LIN52: variants seen among roughly 807,000 people sequenced by gnomAD.
The protein encoded by LIN52 is lin-52 DREAM MuvB core complex component.
In LIN52, 4 loss-of-function variants were observed where a neutral mutation model predicts 18.5. The observed-to-expected ratio is 0.22, with a 90% CI of 0.11 to 0.49. The LOEUF (loss-of-function observed/expected upper bound fraction) is 0.49. Among genes scored for constraint, LIN52 ranks in the 20% least tolerant of loss-of-function variants. The pLI is 0.97. For missense variants in LIN52, 102 were observed against 139.5 expected (o/e 0.73, Z 1.35); for synonymous variants, 34 against 45.5 (o/e 0.75, Z 1.02).
intron 5 of LIN52, among the ~76,000 whole-genome samples, chr14:74,124,845 C>G (rs1484896612): frequency 7.0e-6 from 1 of 142,552 alleles, no homozygotes; most frequent in African/African-American, 2.6e-5. Context: ...CTGAGAGGCT[C>G]TTGATAAAGA....
At chr14:74,176,856 C>T (rs2061296515) in intron 5 of LIN52, among the ~76,000 whole-genome samples, 1 of 152,222 alleles carries the variant, frequency 6.6e-6, no homozygotes, top group Non-Finnish European at 1.5e-5. Flanking sequence ...CTCACTCTCC[C>T]AACCTGCCCT....
Position 74,084,994 on chromosome 14 carries a change from G to T in LIN52, c.19+1G>T. The T allele has an allele frequency of 1.4e-6, 2 of 1,409,150 alleles. No individual in the cohort carries two copies. Among genetic ancestry groups the T allele is most frequent in the Non-Finnish European group, 9.3e-7 (1 of 1,075,078 alleles). 87.3% of individuals were successfully genotyped at this position (1,409,150 alleles called of 1,614,324 possible). A position where few individuals can be genotyped will look rare whatever the true frequency, so the allele number is the denominator to read the frequency against. ...TGGAAGATGGCGTCTCCCACAGACGGTAAGAGCCGGCTTAGAGATCTTTGC... is the reference window on the plus strand; with the variant it reads ...TGGAAGATGGCGTCTCCCACAGACGTTAAGAGCCGGCTTAGAGATCTTTGC... On this transcript the variant is annotated splice_donor_variant, in intron 1 of 5. Transcript: ENST00000555028. LOFTEE classifies it high-confidence loss of function.
At chr14:74,194,676 C>T (rs558925331) in intron 5 of LIN52, among the ~76,000 whole-genome samples, 174 of 152,218 alleles carry the variant, frequency 1.1e-3, no homozygotes, top group African/African-American at 4.0e-3. Flanking sequence ...GATCTATGTA[C>T]GACATAATAG....
At chr14:74,111,216 T>C (rs1041029085) in intron 5 of LIN52, among the ~76,000 whole-genome samples, 2 of 152,242 alleles carry the variant, frequency 1.3e-5, no homozygotes, top group Non-Finnish European at 1.5e-5. Flanking sequence ...CCCATCTAGA[T>C]AAAATTCTAA....
chr14:74,144,589 T>C (rs1385174982), intron 5 of LIN52, among the ~76,000 whole-genome samples: 1 of 139,546 alleles, frequency 7.2e-6, no homozygotes, highest in African/African-American at 2.8e-5. Flanking sequence ...AATCTACCTA[T>C]AAAATGAGCA....
At chr14:74,125,460 G>A (rs574854428) in intron 5 of LIN52, among the ~76,000 whole-genome samples, 1 of 152,066 alleles carries the variant, frequency 6.6e-6, no homozygotes, top group Non-Finnish European at 1.5e-5. Context: ...TTTTGATGGG[G>A]TTGTTTGTTT....
intron 5 of LIN52, among the ~76,000 whole-genome samples, chr14:74,124,936 A>G (rs1273959136): frequency 2.6e-5 from 4 of 152,148 alleles, no homozygotes; most frequent in African/African-American, 2.4e-5. Context: ...ATTAAAATTA[A>G]AAACTTTTGT....
At chr14:74,103,735 T>C (rs1473414202) in intron 5 of LIN52, among the ~76,000 whole-genome samples, 5 of 17,500 alleles carry the variant, frequency 2.9e-4, no homozygotes, top group Non-Finnish European at 4.3e-4. Flanking sequence ...CCTGGCCAGT[T>C]TTTTTTTTTT....
At chr14:74,197,291 G>A (rs150842290) in intron 5 of LIN52, among the ~76,000 whole-genome samples, 161 of 152,228 alleles carry the variant, frequency 1.1e-3, no homozygotes, top group African/African-American at 3.8e-3. Flanking sequence ...GTAGCAGGTC[G>A]GTAAGAATCT....
chr14:74,145,433 A>T (rs1490382318), intron 5 of LIN52, among the ~76,000 whole-genome samples: 1 of 152,228 alleles, frequency 6.6e-6, no homozygotes, highest in East Asian at 1.9e-4. Flanking sequence ...ACAGTATGCC[A>T]GTAAGCATCC....
chr14:74,142,566 T>G (rs1281494613), intron 5 of LIN52, among the ~76,000 whole-genome samples: 1 of 151,842 alleles, frequency 6.6e-6, no homozygotes, highest in Non-Finnish European at 1.5e-5. Flanking sequence ...GTTAAATTAA[T>G]TAAAAATAAA....
intron 5 of LIN52, among the ~76,000 whole-genome samples, chr14:74,146,658 A>G (rs2061153510): frequency 6.6e-6 from 1 of 152,186 alleles, no homozygotes; most frequent in South Asian, 2.1e-4. Flanking sequence ...GTACAGAAAA[A>G]TCAACACTGA....
intron 5 of LIN52, among the ~76,000 whole-genome samples, chr14:74,139,743 A>G (rs2061118689): frequency 6.6e-6 from 1 of 152,220 alleles, no homozygotes; most frequent in Admixed American, 6.5e-5. Flanking sequence ...AGATTCTAAG[A>G]TATAAGAAAA....
intron 5 of LIN52, among the ~76,000 whole-genome samples, chr14:74,133,480 A>G (rs1195713952): frequency 1.3e-5 from 2 of 152,266 alleles, no homozygotes; most frequent in Non-Finnish European, 2.9e-5. Flanking sequence ...TATTGTAACA[A>G]GAGCTGCACA....
At chr14:74,197,275 G>C (rs970302665) in intron 5 of LIN52, among the ~76,000 whole-genome samples, 6 of 152,196 alleles carry the variant, frequency 3.9e-5, no homozygotes, top group African/African-American at 1.4e-4. Context: ...TAGGTCTGCT[G>C]AGTCTGTAGC....
At chr14:74,197,521 A>T (rs2078921578) in intron 5 of LIN52, among the ~76,000 whole-genome samples, 1 of 152,178 alleles carries the variant, frequency 6.6e-6, no homozygotes, top group South Asian at 2.1e-4. Flanking sequence ...CAACCATATA[A>T]GCTAGTAATT....
At chr14:74,188,001 T>G (rs923354992) in intron 5 of LIN52, among the ~76,000 whole-genome samples, 6 of 152,214 alleles carry the variant, frequency 3.9e-5, no homozygotes, top group Non-Finnish European at 5.9e-5. Context: ...ATAGGTTTTC[T>G]GTCATAAGTA....
At chr14:74,108,079 T>C (rs2060907919) in intron 5 of LIN52, among the ~76,000 whole-genome samples, 1 of 152,240 alleles carries the variant, frequency 6.6e-6, no homozygotes, top group Non-Finnish European at 1.5e-5. Context: ...CATGTCTCTA[T>C]GGATTTGCCT....
chr14:74,182,283 A>G (rs2061321247), intron 5 of LIN52, among the ~76,000 whole-genome samples: 1 of 152,186 alleles, frequency 6.6e-6, no homozygotes, highest in Non-Finnish European at 1.5e-5. Context: ...AAGTGCTGGG[A>G]TTACAGGTGT....
Sources: allele counts gnomAD v4.1 joint callset (sites outside exome capture counted in the v4.1 genomes callset), GRCh38; gene constraint gnomAD v4.1.1; transcripts MANE v1.5; gene names NCBI Gene and HGNC (gene_info 2026-07-23, HGNC 2026-07-21).